The following TRIM34 variants were observed in gnomAD, a reference collection of about 807,000 sequenced individuals.
The protein encoded by TRIM34 is tripartite motif containing 34.
Under a neutral mutation model 38.1 loss-of-function variants are expected in TRIM34, and 41 were observed. That is an observed-to-expected ratio of 1.08 (90% CI 0.84 to 1.40). TRIM34 has a LOEUF of 1.40. Ranked by LOEUF, TRIM34 falls within the 40% of genes most tolerant of loss-of-function variation. The pLI, the probability that TRIM34 is intolerant of heterozygous loss-of-function variation, is 0.00. For missense variants in TRIM34, 556 were observed against 571.4 expected (o/e 0.97, Z 0.27); for synonymous variants, 200 against 202.5 (o/e 0.99, Z 0.10).
chr11:5,622,450 A>AG (rs1226468392), upstream of TRIM34, among the ~76,000 whole-genome samples: 2 of 148,958 alleles, frequency 1.3e-5, no homozygotes, highest in African/African-American at 4.9e-5. Context: ...CTCTCAAAAA[A>AG]AAAAAAAAGA....
upstream of TRIM34, among the ~76,000 whole-genome samples, chr11:5,620,194 T>TTTTTTTTTTC (rs1317517513): frequency 9.8e-6 from 1 of 102,488 alleles, no homozygotes; most frequent in Admixed American, 1.0e-4. Context: ...TTTTTTTTTG[T>TTTTTTTTTTC]TGAGACTGAG....
At chr11:5,634,316 G>A (rs537149035) in intron 3 of TRIM34, among the ~76,000 whole-genome samples, 2 of 151,808 alleles carry the variant, frequency 1.3e-5, no homozygotes, top group Non-Finnish European at 2.9e-5. Flanking sequence ...CTCAGGGTTG[G>A]CCTAGATAAG....
Position 5,632,508 on chromosome 11 carries a change from T to G in TRIM34, c.177T>G (p.Cys59Trp), listed in dbSNP as rs201564866. 4 of 1,614,004 alleles carry G rather than the reference T, an allele frequency of 2.5e-6. No individual in the cohort carries two copies. Among genetic ancestry groups the G allele is most frequent in the East Asian group, 4.5e-5 (2 of 44,846 alleles). Residue 59 changes from cysteine to tryptophan, a missense_variant, in exon 2 of 8, where the codon TGT becomes TGG. By Grantham distance (215) the Cys-to-Trp change is radical. Transcript: ENST00000429814. ...SMGGKSSCPV[C>W]GISYSFEHLQ... is the part of the protein sequence containing the mutation. ...GAGGAAAAAGCAGCTGTCCTGTGTG[T>G]GGTATCAGTTACTCATTTGAACATC...
At chr11:5,635,706 C>G (rs1417984410) in intron 4 of TRIM34, among the ~76,000 whole-genome samples, 1 of 152,118 alleles carries the variant, frequency 6.6e-6, no homozygotes, top group African/African-American at 2.4e-5. Flanking sequence ...AGGAGAGTAA[C>G]TGATTTTCAT....
At chr11:5,624,687 A>G (rs1849123145), upstream of TRIM34, 1 of 152,318 alleles carries the variant, frequency 6.6e-6, no homozygotes, top group East Asian at 1.9e-4. Context: ...GCTTAGCGGC[A>G]TCTGTGACCT....
chr11:5,620,370 G>A (rs1239067798), upstream of TRIM34, among the ~76,000 whole-genome samples: 3 of 151,026 alleles, frequency 2.0e-5, no homozygotes, highest in Non-Finnish European at 2.9e-5. Flanking sequence ...GTAGAGACGG[G>A]GTTTCACCAT....
At chr11:5,631,083 A>C (rs1218149944) in intron 1 of TRIM34, among the ~76,000 whole-genome samples, 13 of 152,120 alleles carry the variant, frequency 8.5e-5, no homozygotes. Context: ...TTCCTCGATG[A>C]TCTGACATTG....
upstream of TRIM34, among the ~76,000 whole-genome samples, chr11:5,623,970 C>T (rs186620243): frequency 6.6e-6 from 1 of 152,228 alleles, no homozygotes; most frequent in Non-Finnish European, 1.5e-5. Context: ...TTGATGCATA[C>T]AGCACAGAAA....
At chr11:5,639,673 C>T in intron 4 of TRIM34, among the ~76,000 whole-genome samples, 1 of 58,162 alleles carries the variant, frequency 1.7e-5, no homozygotes, top group Non-Finnish European at 3.1e-5. Flanking sequence ...GAGTGAGACT[C>T]TATTTCAAAA....
rs762033958 is a variant in TRIM34 at position 5,634,802 on chromosome 11, A to G, written c.691A>G (p.Arg231Gly). The change falls in exon 4 of 8, where the codon AGA (arginine) becomes GGA (glycine). Residue 231 changes from arginine to glycine, a missense_variant. Arg to Gly is a moderately radical substitution (Grantham distance 125, BLOSUM62 -2). Coordinates refer to ENST00000429814, the MANE Select transcript of TRIM34 (RefSeq NM_021616.6). ...DELVQQKQLV[R>G]ELISDVECRS... ...GCTAGTTCAGCAGAAGCAGTTGGTG[A>G]GAGAGCTCATCTCAGATGTGGAGTG... 3 of 1,613,744 alleles carry G rather than the reference A, an allele frequency of 1.9e-6. No homozygotes were observed. In the African/African-American group the frequency reaches 4.0e-5, roughly 22 times the overall value.
chr11:5,623,328 G>A (rs867087909), upstream of TRIM34, among the ~76,000 whole-genome samples: 1 of 151,188 alleles, frequency 6.6e-6, no homozygotes, highest in Non-Finnish European at 1.5e-5. Flanking sequence ...AAGTAATTGC[G>A]GTTCTTGCTA....
chr11:5,631,064 C>G (rs11038422), intron 1 of TRIM34, among the ~76,000 whole-genome samples: 140,165 of 152,250 alleles, frequency 0.92, 64,849 homozygotes, highest in East Asian at 1. Flanking sequence ...CATCTCCTTG[C>G]TATTTCTATT....
chr11:5,634,637 G>A lies in TRIM34; in HGVS notation c.526G>A (p.Val176Ile), dbSNP rs1313901865. The change falls in exon 4 of 8, where the codon GTA (valine) becomes ATA (isoleucine). Residue 176 changes from valine to isoleucine, a missense_variant. Physicochemically the swap from Val to Ile is conservative, Grantham distance 29. Coordinates refer to ENST00000429814, the MANE Select transcript of TRIM34 (RefSeq NM_021616.6). ...REEKTSWKYQ[V>I]QTERQRIQTE... ...CTCTTGTCCATCCTTGCAGTATCAGGTACAAACTGAGAGACAAAGGATACA... is the reference window on the plus strand; with the variant it reads ...CTCTTGTCCATCCTTGCAGTATCAGATACAAACTGAGAGACAAAGGATACA... 7 of 1,612,068 alleles carry A rather than the reference G, an allele frequency of 4.3e-6. No homozygotes were observed. Among genetic ancestry groups the A allele is most frequent in the African/African-American group, 4.0e-5 (3 of 74,682 alleles).
upstream of TRIM34, among the ~76,000 whole-genome samples, chr11:5,624,308 GA>G (rs1849110676): frequency 6.6e-6 from 1 of 152,096 alleles, no homozygotes; most frequent in Admixed American, 6.5e-5. Context: ...GATGAGTTTT[GA>G]AAAAGTTTTA....
chr11:5,640,648 G>C (rs1849967009), intron 4 of TRIM34, among the ~76,000 whole-genome samples: 1 of 152,004 alleles, frequency 6.6e-6, no homozygotes, highest in Non-Finnish European at 1.5e-5. Context: ...TATCAGGGTA[G>C]GATGAGCCTC....
intron 3 of TRIM34, 76 bp downstream of exon 3, chr11:5,633,975 T>A: frequency 6.6e-7 from 1 of 1,510,788 alleles, no homozygotes; most frequent in Non-Finnish European, 9.0e-7. Flanking sequence ...TCGTCCTTTT[T>A]ATTCCTTGAC....
chr11:5,640,075 T>C (rs927363174), intron 4 of TRIM34, among the ~76,000 whole-genome samples: 1 of 152,236 alleles, frequency 6.6e-6, no homozygotes, highest in South Asian at 2.1e-4. Flanking sequence ...CTAAATCTTA[T>C]TCATTCTATC....
At chr11:5,642,334 G>A in intron 5 of TRIM34, 72 bp from the exon 6 acceptor site, 1 of 1,395,712 alleles carries the variant, frequency 7.2e-7, no homozygotes, top group Non-Finnish European at 1.0e-6. Flanking sequence ...TGAAGGAGAT[G>A]AAACCAGTGA....
Position 5,632,388 on chromosome 11 carries a change from G to A in TRIM34, c.57G>A (p.Leu19=). The change falls in exon 2 of 8, where the codon CTG becomes CTA. Residue 19 remains leucine (L), a synonymous_variant. Transcript: ENST00000429814. The part of the protein sequence containing the change: ...VQEEVTCPIC[L]ELLTEPLSLD... ...AGGAGGTGACCTGTCCCATCTGCCT[G>A]GAGCTGTTGACAGAACCCTTGAGTC... 6.2e-7 allele frequency: 1 copy of A among 1,614,100 alleles called. No individual in the cohort carries two copies. The highest frequency in any genetic ancestry group is 8.5e-7 in the Non-Finnish European group (1 of 1,180,008).
Sources: allele counts gnomAD v4.1 joint callset (sites outside exome capture counted in the v4.1 genomes callset), GRCh38; gene constraint gnomAD v4.1.1; transcripts MANE v1.5; gene names NCBI Gene and HGNC (gene_info 2026-07-23, HGNC 2026-07-21).